Variants in COMMD1 observed in about 807,000 individuals in gnomAD.
The protein encoded by COMMD1 is copper metabolism domain containing 1, also known as COMM domain-containing protein 1.
A neutral mutation model predicts 17.2 loss-of-function variants in COMMD1; 10 were observed. The ratio of observed to expected loss-of-function variants is 0.58; its 90% CI spans 0.36 to 0.99. The LOEUF is 0.99. Ranked by LOEUF, COMMD1 falls within the 50% of genes least tolerant of loss-of-function variation. The probability of loss-of-function intolerance (pLI) is 0.01; values close to 1 mark genes in which losing one functional copy is unlikely to be tolerated. For missense variants in COMMD1, 270 were observed against 231.8 expected, an observed-to-expected ratio of 1.17 and a Z score of -1.07; for synonymous variants, 97 against 91.6, an observed-to-expected ratio of 1.06 and a Z score of -0.34.
At chr2:61,916,338 A>G (rs1572958511) in intron 1 of COMMD1, among the ~76,000 whole-genome samples, 1 of 152,302 alleles carries the variant, frequency 6.6e-6, no homozygotes, top group African/African-American at 2.4e-5. Flanking sequence ...TAAGAACAAT[A>G]TACTACTATG....
At chr2:61,923,810 T>C (rs1022042777) in intron 1 of COMMD1, among the ~76,000 whole-genome samples, 49 of 152,220 alleles carry the variant, frequency 3.2e-4, no homozygotes, top group Non-Finnish European at 1.5e-5. Flanking sequence ...GGTCTGGCTC[T>C]ATTGCCCAGG....
chr2:61,958,010 G>C (rs1027400147), intron 1 of COMMD1, among the ~76,000 whole-genome samples: 2 of 152,158 alleles, frequency 1.3e-5, no homozygotes. Context: ...ATTATTAGCT[G>C]CTTTTGAAAA....
intron 2 of COMMD1, among the ~76,000 whole-genome samples, chr2:62,076,464 C>T (rs1201502218): frequency 2.6e-5 from 4 of 151,952 alleles, no homozygotes; most frequent in East Asian, 3.9e-4. Context: ...GTAAAAACAG[C>T]GGCCGTCTGC....
chr2:61,971,010 G>A, intron 1 of COMMD1, among the ~76,000 whole-genome samples: 1 of 152,156 alleles, frequency 6.6e-6, no homozygotes, highest in East Asian at 1.9e-4. Flanking sequence ...CTGGGCTCAA[G>A]CAATCCTTCC....
chr2:62,047,908 C>T lies in COMMD1; in HGVS notation c.462+46926C>T, dbSNP rs116742265. Among the ~76,000 whole-genome samples the T allele has an allele frequency of 2.1e-3, 316 of 152,254 alleles. 2 individuals are homozygous for T. The highest frequency in any genetic ancestry group is 6.4e-3 in the African/African-American group (264 of 41,540). ...TTGCTCAAAGTGTTCAGTACAGTAA[C>T]ATGCTGTACAGGTTTATACCCTAGG... is the stretch of plus-strand genomic sequence containing the variant. On this transcript the variant is annotated intron_variant, in intron 2 of 2. Transcript: ENST00000311832.
At chr2:62,088,807 G>A (rs1671742948) in intron 2 of COMMD1, among the ~76,000 whole-genome samples, 1 of 152,222 alleles carries the variant, frequency 6.6e-6, no homozygotes, top group Non-Finnish European at 1.5e-5. Context: ...GCCTTCAGGA[G>A]GTCCTGAGAA....
intron 2 of COMMD1, among the ~76,000 whole-genome samples, chr2:62,002,055 A>G (rs1012749097): frequency 5.3e-5 from 8 of 152,170 alleles, no homozygotes; most frequent in African/African-American, 1.9e-4. Context: ...CTGTAATCCT[A>G]GCTACTTGGG....
At chr2:62,017,432 C>T (rs1165942392) in intron 2 of COMMD1, among the ~76,000 whole-genome samples, 2 of 152,128 alleles carry the variant, frequency 1.3e-5, no homozygotes, top group African/African-American at 4.8e-5. Context: ...CTTTGAGAGG[C>T]CAAGGCAGGC....
intron 1 of COMMD1, among the ~76,000 whole-genome samples, chr2:61,914,702 G>A (rs1670005509): frequency 6.6e-6 from 1 of 151,766 alleles, no homozygotes; most frequent in Non-Finnish European, 1.5e-5. Context: ...TTTTTGTTTT[G>A]TTTTTTGAAA....
intron 1 of COMMD1, among the ~76,000 whole-genome samples, chr2:61,951,301 T>C (rs1383616467): frequency 1.3e-5 from 2 of 152,100 alleles, no homozygotes; most frequent in Admixed American, 1.3e-4. Flanking sequence ...TTGTCTCTAC[T>C]AAAAATACAA....
intron 1 of COMMD1, among the ~76,000 whole-genome samples, chr2:61,959,035 G>T (rs1012471023): frequency 4.6e-5 from 7 of 151,946 alleles, no homozygotes; most frequent in African/African-American, 1.7e-4. Context: ...TTAACTCATT[G>T]TACTAGTTTT....
chr2:61,927,559 G>A (rs1670360102), intron 1 of COMMD1, among the ~76,000 whole-genome samples: 1 of 152,014 alleles, frequency 6.6e-6, no homozygotes, highest in African/African-American at 2.4e-5. Flanking sequence ...ACCATGCCCG[G>A]CTAATTTTTT....
intron 1 of COMMD1, among the ~76,000 whole-genome samples, chr2:61,951,044 T>G (rs1460385301): frequency 9.9e-5 from 15 of 151,990 alleles, no homozygotes; most frequent in Non-Finnish European, 7.4e-5. Context: ...TCTGTTGGCC[T>G]TTTTGCTGCC....
intron 2 of COMMD1, among the ~76,000 whole-genome samples, chr2:62,067,969 C>G (rs1409884547): frequency 6.6e-6 from 1 of 152,000 alleles, no homozygotes; most frequent in African/African-American, 2.4e-5. Context: ...ATTGTTAATC[C>G]CATTTTCTAT....
chr2:61,917,457 A>G (rs1558520649), intron 1 of COMMD1, among the ~76,000 whole-genome samples: 1 of 152,136 alleles, frequency 6.6e-6, no homozygotes, highest in Non-Finnish European at 1.5e-5. Context: ...TGGCATTATT[A>G]ATGAATGGTA....
chr2:62,010,018 A>C (rs1319831853), intron 2 of COMMD1, among the ~76,000 whole-genome samples: 1 of 152,166 alleles, frequency 6.6e-6, no homozygotes, highest in Non-Finnish European at 1.5e-5. Context: ...ATTTTTGGGA[A>C]TGTTTTACAT....
At chr2:61,990,909 C>CACACGA (rs1302568278) in intron 1 of COMMD1, among the ~76,000 whole-genome samples, 1 of 147,380 alleles carries the variant, frequency 6.8e-6, no homozygotes, top group Admixed American at 6.8e-5. Context: ...TATATACACA[C>CACACGA]ACACACACAC....
At chr2:62,105,998 CT>C (rs971448527) in intron 2 of COMMD1, among the ~76,000 whole-genome samples, 11 of 150,266 alleles carry the variant, frequency 7.3e-5, no homozygotes, top group Non-Finnish European at 1.5e-4. Flanking sequence ...AGAGAATGAA[CT>C]TTTTTTTTTC....
chr2:62,080,612 C>G (rs1023206558), intron 2 of COMMD1, among the ~76,000 whole-genome samples: 10 of 152,084 alleles, frequency 6.6e-5, no homozygotes, highest in African/African-American at 2.4e-4. Context: ...ATTTGTCAAG[C>G]TCCTTTTCAA....
Sources: gnomAD v4.1 joint callset for allele counts (sites outside exome capture counted in the v4.1 genomes callset) on GRCh38, gnomAD v4.1.1 for gene constraint, MANE v1.5 for transcripts, NCBI Gene and HGNC (gene_info 2026-07-23, HGNC 2026-07-21) for gene names.